CNTN4: variants seen among roughly 807,000 people sequenced by gnomAD.
The protein encoded by CNTN4 is contactin 4.
Under a neutral mutation model 122.5 loss-of-function variants are expected in CNTN4, and 77 were observed. The ratio of observed to expected loss-of-function variants is 0.63; its 90% CI spans 0.52 to 0.76. The LOEUF is 0.76. Ranked by LOEUF, CNTN4 falls within the 30% of genes least tolerant of loss-of-function variation. CNTN4 has a pLI of 0.00. For synonymous variants in CNTN4, 512 were observed against 447.0 expected (o/e 1.15, Z -1.83); for missense variants, 1,256 against 1,259.1 (o/e 1.00, Z 0.04).
intron 5 of CNTN4, among the ~76,000 whole-genome samples, chr3:2,744,833 T>C (rs915751693): frequency 2.6e-5 from 4 of 152,138 alleles, no homozygotes; most frequent in Non-Finnish European, 4.4e-5. Context: ...CATACATAGG[T>C]GATCCAGGTA....
intron 2 of CNTN4, among the ~76,000 whole-genome samples, chr3:2,302,144 A>G (rs1039597026): frequency 2.0e-5 from 3 of 152,058 alleles, no homozygotes; most frequent in Non-Finnish European, 2.9e-5. Context: ...TAAAACTTAG[A>G]ATTGGGCTGG....
At chr3:2,293,720 T>C (rs2042211083) in intron 2 of CNTN4, among the ~76,000 whole-genome samples, 1 of 152,230 alleles carries the variant, frequency 6.6e-6, no homozygotes, top group Admixed American at 6.5e-5. Flanking sequence ...ATTTAAATGT[T>C]TTCATTTTAG....
rs551361134 is a variant in CNTN4 at position 2,594,894 on chromosome 3, G to A, written c.55+23336G>A. On this transcript the variant is annotated intron_variant, in intron 4 of 24. Coordinates refer to ENST00000418658, the MANE Select transcript of CNTN4 (RefSeq NM_175607.3). Reference sequence around the variant, plus strand: ...AATAATCAATTTTGCATTATTTCTTGCCTCTGATCCCAATCTATTAGTGGA... The same window carrying A: ...AATAATCAATTTTGCATTATTTCTTACCTCTGATCCCAATCTATTAGTGGA... Among the ~76,000 whole-genome samples the A allele has an allele frequency of 8.0e-5, 12 of 150,642 alleles. No homozygotes were observed. The East Asian group carries it at 8.1e-4, about 10-fold the overall frequency.
chr3:2,939,462 C>T lies in CNTN4; in HGVS notation c.1358+13683C>T, dbSNP rs150652077. 7.8e-3 allele frequency among the ~76,000 whole-genome samples: 1,189 copies of T among 152,188 alleles called. 18 individuals carry two copies. Among genetic ancestry groups the T allele is most frequent in the African/African-American group, 0.025 (1,050 of 41,514 alleles). ...AGTAATATTTTGTAATTCAGCTGTC[C>T]TTCCCACATGAAACAACATGATTAT... On this transcript the variant is annotated intron_variant, in intron 13 of 24. Coordinates refer to ENST00000418658, the MANE Select transcript of CNTN4 (RefSeq NM_175607.3).
intron 3 of CNTN4, among the ~76,000 whole-genome samples, chr3:2,445,218 C>T (rs2048580276): frequency 1.3e-5 from 2 of 152,050 alleles, no homozygotes; most frequent in African/African-American, 4.8e-5. Flanking sequence ...TGATGATAAC[C>T]CGATTAATCT....
At chr3:2,761,200 G>A (rs2090573641) in intron 6 of CNTN4, among the ~76,000 whole-genome samples, 1 of 152,144 alleles carries the variant, frequency 6.6e-6, no homozygotes, top group Non-Finnish European at 1.5e-5. Flanking sequence ...AGAGTACTCT[G>A]TAATAAATAA....
chr3:2,904,155 C>T (rs1233423655), intron 12 of CNTN4, among the ~76,000 whole-genome samples: 1 of 152,134 alleles, frequency 6.6e-6, no homozygotes, highest in Non-Finnish European at 1.5e-5. Flanking sequence ...TGGGAACTGC[C>T]TCCTATTTTA....
chr3:2,115,010 C>T (rs915780831), intron 2 of CNTN4, among the ~76,000 whole-genome samples: 2 of 152,204 alleles, frequency 1.3e-5, no homozygotes, highest in Non-Finnish European at 2.9e-5. Flanking sequence ...TTTCTAACAG[C>T]AAAATCTCTT....
intron 3 of CNTN4, among the ~76,000 whole-genome samples, chr3:2,383,610 GCTCCCTCTCCCTCTCTCCCCCT>G (rs1353540180): frequency 6.6e-6 from 1 of 151,322 alleles, no homozygotes; most frequent in African/African-American, 2.4e-5. Context: ...CTCTCCTTCT[GCTCCCTCTCCCTCTCTCCCCCT>G]CTCCCTCTCC....
intron 2 of CNTN4, among the ~76,000 whole-genome samples, chr3:2,323,555 C>CT (rs1274490180): frequency 6.6e-6 from 1 of 152,132 alleles, no homozygotes; most frequent in African/African-American, 2.4e-5. Context: ...ATCACCTGTT[C>CT]TTTTTTGTAG....
intron 6 of CNTN4, among the ~76,000 whole-genome samples, chr3:2,773,128 G>A (rs929504574): frequency 1.9e-5 from 2 of 108,020 alleles, no homozygotes; most frequent in Admixed American, 8.1e-5. Context: ...ATCTTTTGGT[G>A]GGGGGGGTTG....
chr3:2,974,272 C>T (rs891980358), intron 13 of CNTN4, among the ~76,000 whole-genome samples: 4 of 152,076 alleles, frequency 2.6e-5, no homozygotes, highest in African/African-American at 9.7e-5. Flanking sequence ...ATCATAGCAA[C>T]AAGTTTCCTT....
At chr3:2,313,502 A>G (rs534798647) in intron 2 of CNTN4, among the ~76,000 whole-genome samples, 90 of 152,144 alleles carry the variant, frequency 5.9e-4, no homozygotes, top group African/African-American at 2.1e-3. Flanking sequence ...AAATTGATTC[A>G]GAAATAGAGG....
chr3:2,961,208 C>T (rs1289797776), intron 13 of CNTN4, among the ~76,000 whole-genome samples: 10 of 110,384 alleles, frequency 9.1e-5, no homozygotes, highest in African/African-American at 1.0e-4. Flanking sequence ...CCAGCCTGGG[C>T]GACAGAACGA....
At chr3:2,400,428 C>CATATATATATATATATATAT (rs58112641) in intron 3 of CNTN4, among the ~76,000 whole-genome samples, 36 of 95,816 alleles carry the variant, frequency 3.8e-4, no homozygotes, top group Admixed American at 5.8e-4. Flanking sequence ...TATATATATA[C>CATATATATATATATATATAT]ATATATATAT....
chr3:2,406,443 T>C (rs1250315945), intron 3 of CNTN4, among the ~76,000 whole-genome samples: 1 of 152,168 alleles, frequency 6.6e-6, no homozygotes, highest in Non-Finnish European at 1.5e-5. Context: ...CATATCACAA[T>C]ACAAGAAGAG....
At chr3:3,008,922 T>G in intron 14 of CNTN4, 2 of 983,626 alleles carry the variant, frequency 2.0e-6, no homozygotes, top group Non-Finnish European at 2.4e-6. Flanking sequence ...TAATAAGCTG[T>G]GAGATTCCAA....
chr3:2,625,438 A>G (rs1180378672), intron 4 of CNTN4, among the ~76,000 whole-genome samples: 1 of 152,218 alleles, frequency 6.6e-6, no homozygotes, highest in African/African-American at 2.4e-5. Context: ...ATCATTTACC[A>G]TTAGCTCTGA....
At chr3:2,227,851 T>A (rs545663198) in intron 2 of CNTN4, among the ~76,000 whole-genome samples, 16 of 152,174 alleles carry the variant, frequency 1.1e-4, no homozygotes, top group Non-Finnish European at 1.9e-4. Flanking sequence ...TTCATTTGTT[T>A]GTTTCACAAA....
Sources: gnomAD v4.1 joint callset for allele counts (sites outside exome capture counted in the v4.1 genomes callset) on GRCh38, gnomAD v4.1.1 for gene constraint, MANE v1.5 for transcripts, NCBI Gene and HGNC (gene_info 2026-07-23, HGNC 2026-07-21) for gene names.